SORBS2: variants seen among roughly 807,000 people sequenced by gnomAD.
SORBS2 encodes sorbin and SH3 domain containing 2, also known as sorbin and SH3 domain-containing protein 2.
In SORBS2, 46 loss-of-function variants were observed where a neutral mutation model predicts 97.7. That is an observed-to-expected ratio of 0.47 (90% CI 0.37 to 0.60). The LOEUF is 0.60. Among genes scored for constraint, SORBS2 ranks in the 20% least tolerant of loss-of-function variants. The pLI is 0.00. For synonymous variants in SORBS2, 476 were observed against 473.4 expected, an observed-to-expected ratio of 1.01 and a Z score of -0.07; for missense variants, 1,316 against 1,282.3, an observed-to-expected ratio of 1.03 and a Z score of -0.40.
At chr4:185,622,886 A>G in intron 7 of SORBS2, 28 bp downstream of exon 19, 1 of 1,555,150 alleles carries the variant, frequency 6.4e-7, no homozygotes, top group Non-Finnish European at 8.7e-7. Context: ...TCTGAACCAC[A>G]AGGAAAAAGA....
At chr4:185,628,512 G>A (rs2096854806) in intron 5 of SORBS2, among the ~76,000 whole-genome samples, 1 of 152,184 alleles carries the variant, frequency 6.6e-6, no homozygotes, top group Non-Finnish European at 1.5e-5. Context: ...AGTACTTTGG[G>A]AGGCCAAGGC....
chr4:185,592,208 A>G (rs2095961397), intron 13 of SORBS2: 1 of 152,660 alleles, frequency 6.6e-6, no homozygotes, highest in South Asian at 2.1e-4. Context: ...AAAACTCTGA[A>G]TTGTAGTGAC....
chr4:185,816,264 T>G (rs201957577), intron 1 of SORBS2, among the ~76,000 whole-genome samples: 1 of 87,220 alleles, frequency 1.1e-5, no homozygotes, highest in South Asian at 2.8e-4. Context: ...AGTCACATCT[T>G]CTGCTGCAGA....
intron 1 of SORBS2, among the ~76,000 whole-genome samples, chr4:185,953,513 G>A (rs946274800): frequency 1.3e-4 from 20 of 152,192 alleles, no homozygotes; most frequent in African/African-American, 4.6e-4. Flanking sequence ...CTGTGTTAAA[G>A]TGTACTTCCC....
At chr4:185,840,383 A>G (rs2099210776) in intron 1 of SORBS2, among the ~76,000 whole-genome samples, 1 of 152,174 alleles carries the variant, frequency 6.6e-6, no homozygotes, top group Admixed American at 6.5e-5. Context: ...GTTCTTTCAT[A>G]AGCATCTCTC....
Position 185,655,242 on chromosome 4 carries a change from C to A in SORBS2, c.24+1373G>T, listed in dbSNP as rs185898712. On this transcript the variant is annotated intron_variant, in intron 1 of 14. Coordinates refer to ENST00000418609, the Ensembl canonical transcript of SORBS2. ...TTGGCTTTCTAGAGTTTCTGGATGACTTTACAAAATTCTGTTTCCTCGGCA... is the reference window on the plus strand; with the variant it reads ...TTGGCTTTCTAGAGTTTCTGGATGAATTTACAAAATTCTGTTTCCTCGGCA... Among the ~76,000 whole-genome samples, 600 of 152,344 alleles carry A rather than the reference C, an allele frequency of 3.9e-3. 1 individual carries two copies. The highest frequency in any genetic ancestry group is 0.024 in the Middle Eastern group (7 of 294).
chr4:185,594,076 A>G, intron 12 of SORBS2, 141 bp from the exon 25 acceptor site: 1 of 624,592 alleles, frequency 1.6e-6, no homozygotes, highest in Non-Finnish European at 2.8e-6. Flanking sequence ...AACCAAATAA[A>G]AGCTTTCTGC....
At chr4:185,937,624 C>G (rs1172539232) in intron 1 of SORBS2, among the ~76,000 whole-genome samples, 1 of 152,112 alleles carries the variant, frequency 6.6e-6, no homozygotes, top group Admixed American at 6.5e-5. Context: ...GCTCTACATC[C>G]TTGGTTCAGT....
intron 1 of SORBS2, among the ~76,000 whole-genome samples, chr4:185,809,454 G>A (rs1428230071): frequency 2.9e-4 from 1 of 3,410 alleles, no homozygotes; most frequent in Non-Finnish European, 5.1e-4. Flanking sequence ...CACTGCATTT[G>A]CAAAAAAAAA....
At chr4:185,877,867 C>CAAA (rs1491116547) in intron 1 of SORBS2, among the ~76,000 whole-genome samples, 21 of 50,030 alleles carry the variant, frequency 4.2e-4, no homozygotes, top group South Asian at 7.5e-4. Flanking sequence ...GAGACTCTGT[C>CAAA]AAAAAACAAA....
At chr4:185,743,644 A>G (rs138719088) in intron 2 of SORBS2, among the ~76,000 whole-genome samples, 1 of 152,290 alleles carries the variant, frequency 6.6e-6, no homozygotes, top group East Asian at 1.9e-4. Context: ...CAAATTCTAC[A>G]TGAAAGAGGG....
chr4:185,876,593 T>A (rs2099233796), intron 1 of SORBS2, among the ~76,000 whole-genome samples: 1 of 152,158 alleles, frequency 6.6e-6, no homozygotes, highest in Non-Finnish European at 1.5e-5. Context: ...AAGCATTGGT[T>A]TAAGATGCCC....
intron 4 of SORBS2, 107 bp from the exon 8 acceptor site, chr4:185,662,349 T>C: frequency 9.0e-7 from 1 of 1,112,512 alleles, no homozygotes; most frequent in Non-Finnish European, 1.3e-6. Flanking sequence ...AGTAATCAGC[T>C]GCCAAGCTCT....
At chr4:185,908,945 A>AT in intron 1 of SORBS2, among the ~76,000 whole-genome samples, 1 of 151,742 alleles carries the variant, frequency 6.6e-6, no homozygotes, top group South Asian at 2.1e-4. Flanking sequence ...TAAATTTTGT[A>AT]TATTTATATA....
intron 1 of SORBS2, among the ~76,000 whole-genome samples, chr4:185,802,848 C>T (rs145231392): frequency 2.6e-5 from 4 of 152,256 alleles, no homozygotes; most frequent in East Asian, 1.9e-4. Flanking sequence ...GACCTTTAAA[C>T]GGGTGATATT....
chr4:185,846,714 T>C (rs2099214750), intron 1 of SORBS2, among the ~76,000 whole-genome samples: 3 of 152,160 alleles, frequency 2.0e-5, no homozygotes, highest in Admixed American at 2.0e-4. Flanking sequence ...AGGCAGAGAA[T>C]AGGAAGCGGG....
At chr4:185,726,696 T>C (rs2098556586) in intron 2 of SORBS2, among the ~76,000 whole-genome samples, 15 of 151,798 alleles carry the variant, frequency 9.9e-5, no homozygotes, top group Admixed American at 9.8e-4. Flanking sequence ...TGCTTGCTTA[T>C]TTCCTTGATG....
intron 1 of SORBS2, among the ~76,000 whole-genome samples, chr4:185,809,226 G>C (rs2099168913): frequency 6.6e-6 from 1 of 151,946 alleles, no homozygotes; most frequent in Non-Finnish European, 1.5e-5. Flanking sequence ...TCTGGACACT[G>C]GACAAAGTAC....
intron 1 of SORBS2, among the ~76,000 whole-genome samples, chr4:185,831,444 A>G (rs771193286): frequency 1.3e-5 from 2 of 152,194 alleles, no homozygotes; most frequent in Non-Finnish European, 2.9e-5. Flanking sequence ...TCTTTACTTT[A>G]AAGGTCTTGT....
Sources: allele counts gnomAD v4.1 joint callset (sites outside exome capture counted in the v4.1 genomes callset), GRCh38; gene constraint gnomAD v4.1.1; transcripts MANE v1.5; gene names NCBI Gene and HGNC (gene_info 2026-07-23, HGNC 2026-07-21).